RIMS1: variants seen among roughly 807,000 people sequenced by gnomAD.
RIMS1 encodes regulating synaptic membrane exocytosis 1, also known as regulating synaptic membrane exocytosis protein 1.
A neutral mutation model predicts 214.1 loss-of-function variants in RIMS1; 83 were observed. The ratio of observed to expected loss-of-function variants is 0.39; its 90% CI spans 0.32 to 0.47. RIMS1 has a LOEUF of 0.47. RIMS1 is among the 20% of genes least tolerant of loss of function. The pLI is 0.99. For missense variants in RIMS1, 2,050 were observed against 2,161.8 expected (o/e 0.95, Z 1.03); for synonymous variants, 793 against 786.8 (o/e 1.01, Z -0.13).
At chr6:72,265,667 G>A (rs572040764) in intron 21 of RIMS1, among the ~76,000 whole-genome samples, 164 bp downstream of exon 21, 1 of 152,066 alleles carries the variant, frequency 6.6e-6, no homozygotes, top group East Asian at 1.9e-4. Flanking sequence ...AGTGCTTTCT[G>A]TATCCAGTTT....
intron 4 of RIMS1, among the ~76,000 whole-genome samples, chr6:72,124,676 C>T (rs2039135070): frequency 6.8e-6 from 1 of 147,422 alleles, no homozygotes; most frequent in South Asian, 2.1e-4. Flanking sequence ...TTGTTTGTTT[C>T]TTTTTACTCT....
chr6:71,935,853 T>A (rs1205534900), intron 1 of RIMS1, among the ~76,000 whole-genome samples: 1 of 152,184 alleles, frequency 6.6e-6, no homozygotes. Context: ...ATTATGGACA[T>A]AGAAATTTTC....
intron 4 of RIMS1, among the ~76,000 whole-genome samples, chr6:72,119,231 C>CA (rs2037715656): frequency 1.3e-5 from 2 of 151,450 alleles, no homozygotes; most frequent in East Asian, 3.9e-4. Flanking sequence ...ACAACAGCTG[C>CA]AAAAAATTTA....
chr6:72,116,914 G>C (rs2037191148), intron 4 of RIMS1, among the ~76,000 whole-genome samples: 1 of 151,254 alleles, frequency 6.6e-6, no homozygotes, highest in Non-Finnish European at 1.5e-5. Flanking sequence ...GCTGTCAGTT[G>C]TAAGTGTGTG....
chr6:72,040,745 G>A lies in RIMS1; in HGVS notation c.246-56204G>A, dbSNP rs150009879. On this transcript the variant is annotated intron_variant, in intron 2 of 33. Coordinates refer to ENST00000521978, the MANE Select transcript of RIMS1 (RefSeq NM_014989.7). ...GCTAAAATAAATCTAAAAAATAGTA[G>A]ATTGTTAGGTAAAAGACCATTTTAT... Among the ~76,000 whole-genome samples the A allele has an allele frequency of 4.5e-4, 68 of 151,868 alleles. No homozygotes were observed. In the East Asian group the frequency reaches 8.7e-3, roughly 19 times the overall value.
At chr6:72,289,977 A>C (rs1277234446) in intron 24 of RIMS1, among the ~76,000 whole-genome samples, 1 of 152,158 alleles carries the variant, frequency 6.6e-6, no homozygotes, top group African/African-American at 2.4e-5. Flanking sequence ...AATAATTTTA[A>C]ACGCCATAGT....
intron 1 of RIMS1, among the ~76,000 whole-genome samples, chr6:71,916,698 G>A (rs1778529426): frequency 6.6e-6 from 1 of 152,132 alleles, no homozygotes; most frequent in Non-Finnish European, 1.5e-5. Context: ...GAATTCAAAA[G>A]GGATATTGCT....
chr6:72,271,452 T>A (rs2083345895), intron 22 of RIMS1, among the ~76,000 whole-genome samples: 1 of 151,828 alleles, frequency 6.6e-6, no homozygotes, highest in African/African-American at 2.4e-5. Context: ...TCTAATGTTG[T>A]AATACCTCAT....
At chr6:72,278,475 T>C (rs1264914012) in intron 23 of RIMS1, among the ~76,000 whole-genome samples, 2 of 152,114 alleles carry the variant, frequency 1.3e-5, no homozygotes, top group East Asian at 1.9e-4. Context: ...AATGAATTAA[T>C]CTTATTTCTC....
At chr6:71,903,098 G>A (rs2150485270) in intron 1 of RIMS1, among the ~76,000 whole-genome samples, 1 of 152,190 alleles carries the variant, frequency 6.6e-6, no homozygotes, top group Non-Finnish European at 1.5e-5. Flanking sequence ...TTGAGGAATT[G>A]CCACACTGTC....
intron 29 of RIMS1, among the ~76,000 whole-genome samples, chr6:72,342,311 A>C (rs191110822): frequency 5.5e-4 from 84 of 151,596 alleles, no homozygotes; most frequent in African/African-American, 1.9e-3. Context: ...TTTAGCACGC[A>C]GTTCTTGTCA....
At position 72,245,871 on chromosome 6, in the gene RIMS1, A is replaced by G; in HGVS notation, c.2128+10A>G. On this transcript the variant is annotated intron_variant, in intron 11 of 33. Transcript: ENST00000521978. Reference sequence around the variant, plus strand: ...CCTCCACTGGAGTCCAGTGAGTATAAGGTTTCTTTGTTATTATAAAAGTAT... The same window carrying G: ...CCTCCACTGGAGTCCAGTGAGTATAGGGTTTCTTTGTTATTATAAAAGTAT... The G allele has an allele frequency of 6.4e-7, 1 of 1,573,184 alleles. No homozygotes were observed. The highest frequency in any genetic ancestry group is 1.3e-5 in the African/African-American group (1 of 74,166).
At chr6:72,244,901 A>C (rs2068708382) in intron 10 of RIMS1, among the ~76,000 whole-genome samples, 1 of 151,986 alleles carries the variant, frequency 6.6e-6, no homozygotes, top group Non-Finnish European at 1.5e-5. Context: ...AATTCTTAAA[A>C]AATATGCTTA....
intron 6 of RIMS1, among the ~76,000 whole-genome samples, chr6:72,233,248 A>G (rs1168419495): frequency 6.6e-6 from 1 of 151,864 alleles, no homozygotes; most frequent in African/African-American, 2.4e-5. Flanking sequence ...AGTCTTTTGG[A>G]AAAAGTTATT....
chr6:71,952,361 A>C (rs1378097705), intron 1 of RIMS1, among the ~76,000 whole-genome samples: 1 of 152,232 alleles, frequency 6.6e-6, no homozygotes, highest in Non-Finnish European at 1.5e-5. Context: ...TATATTGAGC[A>C]CCTATTATGT....
chr6:72,093,229 A>AT lies in RIMS1; in HGVS notation c.246-3720_246-3719insT, dbSNP rs1562294511. On this transcript the variant is annotated intron_variant, in intron 2 of 33. Coordinates refer to ENST00000521978, the MANE Select transcript of RIMS1 (RefSeq NM_014989.7). Reference sequence around the variant, plus strand: ...ATGTGAGTATATATATATATATATAAAAACATGTGTGTATATATGTATATA... The same window carrying AT: ...ATGTGAGTATATATATATATATATAATAAACATGTGTGTATATATGTATATA... Among the ~76,000 whole-genome samples, 40 of 82,588 alleles carry AT rather than the reference A, an allele frequency of 4.8e-4. 1 individual carries two copies. The highest frequency in any genetic ancestry group is 9.7e-4 in the Non-Finnish European group (32 of 32,960). 54.2% of individuals were successfully genotyped at this position (82,588 alleles called of 152,430 possible).
intron 2 of RIMS1, among the ~76,000 whole-genome samples, chr6:72,012,081 A>C (rs1007819194): frequency 2.0e-5 from 3 of 152,246 alleles, no homozygotes; most frequent in South Asian, 4.1e-4. Context: ...GATCCAACCC[A>C]AATGTCCAAC....
At position 71,992,531 on chromosome 6, in the gene RIMS1, C is replaced by T. The variant is rs1802078967; in HGVS notation, c.245+23468C>T. On this transcript the variant is annotated intron_variant, in intron 2 of 33. Coordinates refer to ENST00000521978, the MANE Select transcript of RIMS1 (RefSeq NM_014989.7). ...TCCTCCTCCTCCTCTTCCTCCTCCCCTCCTCCTCTTCTTCTTCTCCTTCTT... is the reference window on the plus strand; with the variant it reads ...TCCTCCTCCTCCTCTTCCTCCTCCCTTCCTCCTCTTCTTCTTCTCCTTCTT... Among the ~76,000 whole-genome samples, 3 of 147,918 alleles carry T rather than the reference C, an allele frequency of 2.0e-5. No individual in the cohort carries two copies. In the South Asian group the frequency reaches 6.5e-4, roughly 32 times the overall value.
intron 1 of RIMS1, among the ~76,000 whole-genome samples, chr6:71,964,676 G>A (rs190891815): frequency 1.4e-4 from 21 of 151,992 alleles, no homozygotes; most frequent in Admixed American, 1.2e-3. Flanking sequence ...TGGAGAATCA[G>A]GTTTAGGGGA....
Sources: allele counts gnomAD v4.1 joint callset (sites outside exome capture counted in the v4.1 genomes callset), GRCh38; gene constraint gnomAD v4.1.1; transcripts MANE v1.5; gene names NCBI Gene and HGNC (gene_info 2026-07-23, HGNC 2026-07-21).